CHLSN: variants seen among roughly 807,000 people sequenced by gnomAD.
CHLSN encodes protein cholesin.
At chr7:1,109,083 G>A in the CHLSN span, among the ~76,000 whole-genome samples, 1 of 151,970 alleles carries the variant, frequency 6.6e-6, no homozygotes. Context: ...TTTTTGTAGA[G>A]ACAGGGTTTC....
chr7:1,092,710 G>A, the CHLSN span: 11 of 1,613,472 alleles, frequency 6.8e-6, no homozygotes, highest in South Asian at 3.3e-5. Flanking sequence ...CAGCTTTCTC[G>A]GGGAGACCTT....
At chr7:984,534 G>A in the CHLSN span, 4 of 1,555,242 alleles carry the variant, frequency 2.6e-6, no homozygotes, top group African/African-American at 5.4e-5. Context: ...TGGCCGACCG[G>A]CCTCCCATCG....
chr7:1,102,010 T>C, the CHLSN span, among the ~76,000 whole-genome samples: 1 of 152,188 alleles, frequency 6.6e-6, no homozygotes, highest in African/African-American at 2.4e-5. Context: ...GTCTTGCCCA[T>C]AGAAGTCATC....
the CHLSN span, chr7:1,092,116 T>G: frequency 8.7e-6 from 14 of 1,613,840 alleles, no homozygotes; most frequent in Non-Finnish European, 1.2e-5. Flanking sequence ...CGCCGTCCTG[T>G]GCACCTTCAT....
At chr7:1,040,408 T>C in the CHLSN span, among the ~76,000 whole-genome samples, 1 of 152,086 alleles carries the variant, frequency 6.6e-6, no homozygotes, top group Admixed American at 6.5e-5. Flanking sequence ...GGAGTGAGGA[T>C]TGCTTGAGCC....
the CHLSN span, among the ~76,000 whole-genome samples, chr7:993,306 CT>C: frequency 6.6e-6 from 1 of 152,190 alleles, no homozygotes; most frequent in Non-Finnish European, 1.5e-5. Flanking sequence ...CTGACTGTGA[CT>C]GGAGCAAGAG....
chr7:1,018,036 G>T, the CHLSN span, among the ~76,000 whole-genome samples: 2 of 152,164 alleles, frequency 1.3e-5, no homozygotes, highest in Non-Finnish European at 2.9e-5. Context: ...GTCCCCACGG[G>T]GCTCAGACGT....
the CHLSN span, among the ~76,000 whole-genome samples, chr7:1,046,939 C>G: frequency 6.6e-6 from 1 of 152,222 alleles, no homozygotes; most frequent in African/African-American, 2.4e-5. Flanking sequence ...CAGGTTAAGG[C>G]CACGCCTAGT....
At chr7:1,136,143 TA>T in the CHLSN span, among the ~76,000 whole-genome samples, 1 of 99,540 alleles carries the variant, frequency 1.0e-5, no homozygotes, top group Non-Finnish European at 1.9e-5. Context: ...TATACATAAA[TA>T]TATAAATATA....
the CHLSN span, among the ~76,000 whole-genome samples, chr7:993,378 AG>A: frequency 6.6e-6 from 1 of 152,192 alleles, no homozygotes. Context: ...AGGCAGGGAC[AG>A]GCAGGCAGAG....
the CHLSN span, chr7:1,056,944 C>T: frequency 6.4e-6 from 1 of 155,730 alleles, no homozygotes; most frequent in Non-Finnish European, 1.4e-5. Context: ...TCAAGACTGG[C>T]TATGTCCCCA....
chr7:1,040,182 T>TAAAAAA, the CHLSN span, among the ~76,000 whole-genome samples: 126 of 96,078 alleles, frequency 1.3e-3, no homozygotes, highest in African/African-American at 4.4e-3. Context: ...AAAAATAAAT[T>TAAAAAA]TAAAAAAAAA....
the CHLSN span, among the ~76,000 whole-genome samples, chr7:998,031 G>T: frequency 6.6e-6 from 1 of 152,252 alleles, no homozygotes; most frequent in Admixed American, 6.5e-5. Context: ...TAAAACAGAA[G>T]CCATGTGGGG....
At chr7:1,023,411 C>A in the CHLSN span, among the ~76,000 whole-genome samples, 1 of 152,064 alleles carries the variant, frequency 6.6e-6, no homozygotes, top group South Asian at 2.1e-4. The surrounding 1 kb of genome is among the most constrained non-coding windows in gnomAD (Gnocchi z 5.0). Context: ...GAGACCCAGG[C>A]TGAAGACATG....
chr7:1,113,838 G>A, the CHLSN span, among the ~76,000 whole-genome samples: 124 of 152,294 alleles, frequency 8.1e-4, 1 homozygote, highest in African/African-American at 2.1e-3. Flanking sequence ...GGCAGGCTTC[G>A]AGGGGCAAAG....
At chr7:1,049,217 G>T in the CHLSN span, among the ~76,000 whole-genome samples, 2 of 152,194 alleles carry the variant, frequency 1.3e-5, no homozygotes, top group Non-Finnish European at 2.9e-5. Flanking sequence ...CCCTGCACAC[G>T]TGTCCGTTCA....
the CHLSN span, among the ~76,000 whole-genome samples, chr7:1,062,096 C>T: frequency 6.6e-6 from 1 of 152,242 alleles, no homozygotes; most frequent in Non-Finnish European, 1.5e-5. Flanking sequence ...GCTACCAACA[C>T]TTCTTGACTA....
At chr7:1,039,326 C>T in the CHLSN span, among the ~76,000 whole-genome samples, 1 of 47,192 alleles carries the variant, frequency 2.1e-5, no homozygotes, top group Non-Finnish European at 4.0e-5. Flanking sequence ...AAGTGAGGAG[C>T]CCCTCTGCCC....
chr7:1,032,106 AG>A, the CHLSN span, among the ~76,000 whole-genome samples: 16 of 152,268 alleles, frequency 1.1e-4, no homozygotes, highest in Non-Finnish European at 2.2e-4. Flanking sequence ...TGCCCTGCTC[AG>A]GTGGTCAGTG....
Sources: gnomAD v4.1 joint callset for allele counts (sites outside exome capture counted in the v4.1 genomes callset) on GRCh38, gnomAD v4.1.1 for gene constraint, Gnocchi (gnomAD v3.1) non-coding constraint, MANE v1.5 for transcripts, NCBI Gene and HGNC (gene_info 2026-07-23, HGNC 2026-07-21) for gene names.